The following TAS2R1 variants were observed in gnomAD, a reference collection of about 807,000 sequenced individuals.
TAS2R1 encodes taste 2 receptor member 1, also known as taste receptor type 2 member 1.
For synonymous variants in TAS2R1, 141 were observed against 134.2 expected (o/e 1.05, Z -0.35); for missense variants, 370 against 353.4 (o/e 1.05, Z -0.38).
chr5:9,811,530 T>G, the TAS2R1 span, among the ~76,000 whole-genome samples: 3 of 152,184 alleles, frequency 2.0e-5, no homozygotes, highest in South Asian at 6.2e-4. Flanking sequence ...CGTCTTACAC[T>G]GCCTTCTCCA....
chr5:9,743,637 T>C, the TAS2R1 span, among the ~76,000 whole-genome samples: 1 of 152,026 alleles, frequency 6.6e-6, no homozygotes, highest in South Asian at 2.1e-4. Context: ...TAGTGGATTA[T>C]ACAACCCAAA....
At chr5:9,809,011 T>A in the TAS2R1 span, among the ~76,000 whole-genome samples, 2 of 152,200 alleles carry the variant, frequency 1.3e-5, no homozygotes, top group African/African-American at 4.8e-5. Context: ...AGAACTTCCT[T>A]ATGACCCATC....
the TAS2R1 span, among the ~76,000 whole-genome samples, chr5:9,802,095 C>A: frequency 1.3e-5 from 2 of 152,188 alleles, no homozygotes; most frequent in Admixed American, 1.3e-4. Context: ...ATTGAAAGCA[C>A]CACCTACTGG....
chr5:9,796,008 T>A, the TAS2R1 span, among the ~76,000 whole-genome samples: 1 of 152,164 alleles, frequency 6.6e-6, no homozygotes, highest in Non-Finnish European at 1.5e-5. Context: ...GGAACTTGTC[T>A]GCAGGCAAAT....
chr5:9,867,321 A>G, the TAS2R1 span: 63,857 of 152,132 alleles, frequency 0.42, 15,322 homozygotes, highest in African/African-American at 0.66. Context: ...ATCCCAGACC[A>G]GGTAATTTAT....
At chr5:9,882,300 G>C in the TAS2R1 span, among the ~76,000 whole-genome samples, 1 of 152,152 alleles carries the variant, frequency 6.6e-6, no homozygotes, top group Non-Finnish European at 1.5e-5. Flanking sequence ...ACCACAATGA[G>C]ATAGTATCTC....
At chr5:9,706,026 G>A (rs1222667699) in intron 1 of TAS2R1, among the ~76,000 whole-genome samples, 1 of 152,168 alleles carries the variant, frequency 6.6e-6, no homozygotes, top group East Asian at 1.9e-4. Context: ...GAAGCTAGAA[G>A]TCCCTTTGGC....
the TAS2R1 span, among the ~76,000 whole-genome samples, chr5:9,728,194 T>C: frequency 1.3e-5 from 2 of 151,994 alleles, no homozygotes; most frequent in East Asian, 3.9e-4. Flanking sequence ...AGTTGAGTTA[T>C]AGAAAAAAAA....
At chr5:9,861,037 G>GTT in the TAS2R1 span, among the ~76,000 whole-genome samples, 27 of 88,620 alleles carry the variant, frequency 3.0e-4, 1 homozygote, top group East Asian at 8.2e-4. Flanking sequence ...GGAAGATGAG[G>GTT]TTTTTTTTTT....
the TAS2R1 span, among the ~76,000 whole-genome samples, chr5:9,867,399 G>A: frequency 2.0e-5 from 3 of 152,202 alleles, no homozygotes; most frequent in Admixed American, 2.0e-4. Flanking sequence ...ATGGTGGAAG[G>A]CAAAGAAAGA....
the TAS2R1 span, among the ~76,000 whole-genome samples, chr5:9,772,524 G>C: frequency 6.6e-6 from 1 of 152,052 alleles, no homozygotes; most frequent in African/African-American, 2.4e-5. Context: ...GGTTCATTTG[G>C]TCTATAGTGT....
the TAS2R1 span, among the ~76,000 whole-genome samples, chr5:9,779,749 G>A: frequency 3.9e-5 from 6 of 152,304 alleles, no homozygotes; most frequent in African/African-American, 1.4e-4. Flanking sequence ...CTGAAACATT[G>A]CAAGAGTTAC....
the TAS2R1 span, among the ~76,000 whole-genome samples, chr5:9,857,562 T>C: frequency 1.3e-5 from 2 of 152,214 alleles, no homozygotes; most frequent in Admixed American, 1.3e-4. Flanking sequence ...CCTGCACATA[T>C]ACCCGAGCTT....
the TAS2R1 span, among the ~76,000 whole-genome samples, chr5:9,780,853 C>T: frequency 4.7e-3 from 713 of 152,318 alleles, 5 homozygotes; most frequent in African/African-American, 0.016. Context: ...GAATAGGCCT[C>T]ATGCAAGTAG....
chr5:9,723,494 C>T, the TAS2R1 span, among the ~76,000 whole-genome samples: 1 of 152,210 alleles, frequency 6.6e-6, no homozygotes, highest in Non-Finnish European at 1.5e-5. Context: ...ACCTGTTCCC[C>T]ATGACTGGCC....
At chr5:9,815,760 C>T in the TAS2R1 span, among the ~76,000 whole-genome samples, 1 of 151,776 alleles carries the variant, frequency 6.6e-6, no homozygotes, top group Non-Finnish European at 1.5e-5. Context: ...ATAGTAAATG[C>T]CACAAAATGA....
At chr5:9,894,484 G>A in the TAS2R1 span, among the ~76,000 whole-genome samples, 3 of 152,104 alleles carry the variant, frequency 2.0e-5, no homozygotes, top group Admixed American at 6.6e-5. Context: ...AGGAAATACC[G>A]TGGGAGGACA....
chr5:9,708,075 G>T (rs761362092), intron 1 of TAS2R1, among the ~76,000 whole-genome samples: 2 of 152,118 alleles, frequency 1.3e-5, no homozygotes, highest in Admixed American at 6.5e-5. Context: ...GCTCCTGGCC[G>T]CATAGATCAG....
At chr5:9,781,829 TCTC>T in the TAS2R1 span, among the ~76,000 whole-genome samples, 11 of 152,210 alleles carry the variant, frequency 7.2e-5, no homozygotes, top group African/African-American at 2.7e-4. Flanking sequence ...ACCTGCAGCC[TCTC>T]CATCCATCAT....
Sources: allele counts gnomAD v4.1 joint callset (sites outside exome capture counted in the v4.1 genomes callset), GRCh38; gene constraint gnomAD v4.1.1; transcripts MANE v1.5; gene names NCBI Gene and HGNC (gene_info 2026-07-23, HGNC 2026-07-21).